Variants in NWD1 observed in about 807,000 individuals in gnomAD.
NWD1 encodes NACHT and WD repeat domain containing 1, also known as NACHT domain- and WD repeat-containing protein 1.
Under a neutral mutation model 135.1 loss-of-function variants are expected in NWD1, and 129 were observed. The observed-to-expected ratio is 0.96, with a 90% CI of 0.83 to 1.11. The LOEUF (loss-of-function observed/expected upper bound fraction) is 1.11, where lower values mean the gene tolerates loss of function less well. Ranked by LOEUF, NWD1 falls within the 50% of genes least tolerant of loss-of-function variation. The probability of loss-of-function intolerance (pLI) is 0.00; values close to 1 mark genes in which losing one functional copy is unlikely to be tolerated. For missense variants in NWD1, 1,740 were observed against 1,851.3 expected (o/e 0.94, Z 1.10); for synonymous variants, 773 against 786.0 (o/e 0.98, Z 0.28).
intron 1 of NWD1, chr19:16,721,661 G>A (rs1056120870): frequency 3.3e-5 from 5 of 152,090 alleles, no homozygotes; most frequent in African/African-American, 1.2e-4. Context: ...TGGGTTTATG[G>A]GGGCGGGGTC....
intron 12 of NWD1, among the ~76,000 whole-genome samples, chr19:16,788,516 C>A (rs1970133367): frequency 6.8e-6 from 1 of 147,824 alleles, no homozygotes; most frequent in Admixed American, 6.8e-5. Context: ...TTGCAGTGAA[C>A]CAAGATTGAG....
At position 16,815,350 on chromosome 19, in the gene NWD1, C is replaced by T. The variant is rs766791847; in HGVS notation, c.*311C>T. 1 of 714,538 alleles carries T rather than the reference C, an allele frequency of 1.4e-6. No homozygotes were observed. The highest frequency in any genetic ancestry group is 2.6e-6 in the Non-Finnish European group (1 of 390,310). The allele number at this position is 714,538 out of a possible 1,614,324, so 44.3% of individuals were successfully genotyped here. On this transcript the variant is annotated 3_prime_UTR_variant, in exon 19 of 19. Coordinates refer to ENST00000524140, the MANE Select transcript of NWD1 (RefSeq NM_001007525.5). Reference sequence around the variant, plus strand: ...TGTAAAAAAATAAAAATAAAAAAACCCTGTGGGGGTATGGGGCTCCAGTGA... The same window carrying T: ...TGTAAAAAAATAAAAATAAAAAAACTCTGTGGGGGTATGGGGCTCCAGTGA...
chr19:16,807,862 G>A lies in NWD1; in HGVS notation c.4013G>A (p.Gly1338Glu). 6.2e-7 allele frequency: 1 copy of A among 1,614,172 alleles called. No individual in the cohort carries two copies. Among genetic ancestry groups the A allele is most frequent in the Middle Eastern group, 1.6e-4 (1 of 6,062 alleles). ...TSGDPCPVID[G>E]PRYTFYTQLP... ...GGGGACCCCTGCCCGGTCATCGATG[G>A]GCCAAGATACACCTTTTACACTCAG... Residue 1338 changes from glycine (G) to glutamate (E), a missense_variant, in exon 18 of 19, where the codon GGG (glycine) becomes GAG (glutamate). Coordinates refer to ENST00000524140, the MANE Select transcript of NWD1 (RefSeq NM_001007525.5).
In NWD1 at chr19:16,779,459, C is replaced by T. The variant is rs377642593; in HGVS notation, c.2725C>T (p.His909Tyr). Residue 909 changes from histidine (H) to tyrosine (Y), a missense_variant, in exon 12 of 19, where the codon CAC becomes TAC. Transcript: ENST00000524140. ...EQHVIHMLTG[H>Y]TGEVRCVKIF... ...GCATGTGATCCACATGCTAACTGGACACACAGGTGAGACTTGGGAAGTGGG... is the reference window on the plus strand; with the variant it reads ...GCATGTGATCCACATGCTAACTGGATACACAGGTGAGACTTGGGAAGTGGG... 33 of 1,613,130 alleles carry T rather than the reference C, an allele frequency of 2.0e-5. No homozygotes were observed. The African/African-American group carries it at 4.1e-4, about 20-fold the overall frequency.
At chr19:16,741,838 C>G (rs1175230107) in intron 4 of NWD1, among the ~76,000 whole-genome samples, 1 of 151,928 alleles carries the variant, frequency 6.6e-6, no homozygotes, top group African/African-American at 2.4e-5. Context: ...TGGCTGGGCC[C>G]GGTGGCTCCT....
At chr19:16,753,042 G>A (rs1323348720) in intron 6 of NWD1, among the ~76,000 whole-genome samples, 1 of 152,202 alleles carries the variant, frequency 6.6e-6, no homozygotes, top group Non-Finnish European at 1.5e-5. Flanking sequence ...CAGAATAGAG[G>A]GGTGGCCCAT....
Position 16,807,750 on chromosome 19 carries a change from G to A in NWD1, c.3901G>A (p.Ala1301Thr). Residue 1301 changes from alanine to threonine, a missense_variant, in exon 18 of 19, where the codon GCA becomes ACA. Coordinates refer to ENST00000524140, the MANE Select transcript of NWD1 (RefSeq NM_001007525.5). ...ICIPPPEARK[A>T]INCMSLSKCE... The stretch of plus-strand genomic sequence containing the variant: ...CATTCCCCCTCCCGAGGCCCGGAAA[G>A]CAATCAACTGCATGTCCCTGAGCAA... 1.2e-6 allele frequency: 2 copies of A among 1,613,228 alleles called. No homozygotes were observed. Among genetic ancestry groups the A allele is most frequent in the Non-Finnish European group, 1.7e-6 (2 of 1,179,306 alleles).
At chr19:16,750,799 C>G (rs1353908366) in intron 6 of NWD1, among the ~76,000 whole-genome samples, 1 of 152,104 alleles carries the variant, frequency 6.6e-6, no homozygotes, top group African/African-American at 2.4e-5. Flanking sequence ...CACCACTGTG[C>G]CCAGCTAAAT....
chr19:16,774,234 C>T (rs1458220371), intron 11 of NWD1, among the ~76,000 whole-genome samples: 2 of 150,896 alleles, frequency 1.3e-5, no homozygotes, highest in Non-Finnish European at 3.0e-5. Flanking sequence ...TTCACTCATC[C>T]ACCCACCCAT....
intron 18 of NWD1, among the ~76,000 whole-genome samples, chr19:16,809,270 G>A (rs537086686): frequency 3.7e-4 from 56 of 151,932 alleles, no homozygotes; most frequent in Non-Finnish European, 6.0e-4. Flanking sequence ...TTTTAGTAGA[G>A]AAGGGGTTTT....
At chr19:16,771,146 T>A (rs537645590) in intron 10 of NWD1, among the ~76,000 whole-genome samples, 1 of 152,056 alleles carries the variant, frequency 6.6e-6, no homozygotes, top group South Asian at 2.1e-4. Context: ...TAAAAAAAAA[T>A]TAATTAGTTA....
chr19:16,791,797 T>A (rs1171323074), intron 14 of NWD1, among the ~76,000 whole-genome samples, 175 bp downstream of exon 14: 1 of 152,188 alleles, frequency 6.6e-6, no homozygotes, highest in Non-Finnish European at 1.5e-5. Flanking sequence ...CACTGCAACC[T>A]CCGCCTCTCG....
rs1970234023 is a variant in NWD1 at position 16,791,235 on chromosome 19, A to G, written c.2941-115A>G. 3.1e-6 allele frequency: 3 copies of G among 959,616 alleles called. No individual in the cohort carries two copies. The Admixed American group carries it at 6.7e-5, about 22-fold the overall frequency. The allele number at this position is 959,616 out of a possible 1,614,324, so 59.4% of individuals were successfully genotyped here. A position where few individuals can be genotyped will look rare whatever the true frequency, so the allele number is the denominator to read the frequency against. On this transcript the variant is annotated intron_variant, in intron 13 of 18. Transcript: ENST00000524140. ...GGTGAAAAAGAGAGGCTCTGTCTCC[A>G]AAAGAAAAGAAAATGCATAAAGTAT...
intron 8 of NWD1, among the ~76,000 whole-genome samples, chr19:16,762,480 A>G (rs187679795): frequency 5.7e-4 from 87 of 151,948 alleles, no homozygotes; most frequent in African/African-American, 2.0e-3. Context: ...TATTTTTAGT[A>G]GAGACGGGGT....
intron 18 of NWD1, among the ~76,000 whole-genome samples, chr19:16,814,121 T>C (rs559257338): frequency 2.0e-5 from 3 of 152,172 alleles, no homozygotes; most frequent in African/African-American, 4.8e-5. Context: ...GATAGCACCA[T>C]TGCACTCCAG....
intron 3 of NWD1, among the ~76,000 whole-genome samples, chr19:16,732,380 CTGT>C (rs1967607101): frequency 6.6e-6 from 1 of 151,886 alleles, no homozygotes; most frequent in African/African-American, 2.4e-5. Flanking sequence ...ATTTAACTGT[CTGT>C]TGTTGTTGCT....
In NWD1 at chr19:16,779,779, A is replaced by G. The variant is rs544006187; in HGVS notation, c.2731+314A>G. On this transcript the variant is annotated intron_variant, in intron 12 of 18. Coordinates refer to ENST00000524140, the MANE Select transcript of NWD1 (RefSeq NM_001007525.5). ...AGCCTCCTGAGTAGCTGGGACTACA[A>G]GCACATACCACTATACCCAGCTAAT... Among the ~76,000 whole-genome samples the G allele has an allele frequency of 5.9e-5, 9 of 151,758 alleles. 1 individual carries two copies. The highest frequency in any genetic ancestry group is 1.3e-4 in the Admixed American group (2 of 15,238).
intron 17 of NWD1, chr19:16,801,836 G>A (rs1043599551): frequency 1.3e-5 from 2 of 152,244 alleles, no homozygotes; most frequent in Non-Finnish European, 2.9e-5. Context: ...CTCCTGGCAA[G>A]GCAGTGGTGG....
chr19:16,796,573 C>G (rs1021008204), intron 15 of NWD1, among the ~76,000 whole-genome samples: 1 of 152,204 alleles, frequency 6.6e-6, no homozygotes, highest in Admixed American at 6.5e-5. Flanking sequence ...GGACCCATTC[C>G]TATCTGCCTA....
Sources: allele counts gnomAD v4.1 joint callset (sites outside exome capture counted in the v4.1 genomes callset), GRCh38; gene constraint gnomAD v4.1.1; transcripts MANE v1.5; gene names NCBI Gene and HGNC (gene_info 2026-07-23, HGNC 2026-07-21).